The following ADGRB3 variants were observed in gnomAD, a reference collection of about 807,000 sequenced individuals.
The protein encoded by ADGRB3 is adhesion G protein-coupled receptor B3.
ADGRB3 carries 37 observed loss-of-function variants against 193.4 expected under a neutral mutation model. The observed-to-expected ratio is 0.19, with a 90% CI of 0.15 to 0.25. The LOEUF (loss-of-function observed/expected upper bound fraction) is 0.25. Among genes scored for constraint, ADGRB3 ranks in the 10% least tolerant of loss-of-function variants. The pLI is 1.00. For synonymous variants in ADGRB3, 690 were observed against 644.2 expected, an observed-to-expected ratio of 1.07 and a Z score of -1.08; for missense variants, 1,637 against 1,852.9, an observed-to-expected ratio of 0.88 and a Z score of 2.14.
chr6:68,700,827 G>T (rs1284361120), intron 3 of ADGRB3, among the ~76,000 whole-genome samples: 39 of 126,708 alleles, frequency 3.1e-4, no homozygotes, highest in African/African-American at 1.1e-3. Flanking sequence ...GTCGTAGGGT[G>T]GGGGGAGGGG....
intron 3 of ADGRB3, among the ~76,000 whole-genome samples, chr6:68,778,393 A>G (rs1766791134): frequency 6.6e-6 from 1 of 152,118 alleles, no homozygotes; most frequent in Admixed American, 6.6e-5. Context: ...TTCTACCAGC[A>G]ATGTATTGTC....
At chr6:68,998,766 A>G (rs1302310154) in intron 11 of ADGRB3, among the ~76,000 whole-genome samples, 3 of 152,248 alleles carry the variant, frequency 2.0e-5, no homozygotes, top group Non-Finnish European at 4.4e-5. Flanking sequence ...GCCACTCACT[A>G]GATCTCTAAG....
At chr6:69,052,867 C>T (rs1771439840) in intron 15 of ADGRB3, among the ~76,000 whole-genome samples, 1 of 152,168 alleles carries the variant, frequency 6.6e-6, no homozygotes, top group South Asian at 2.1e-4. Context: ...CAACTTCCTT[C>T]TTCAGAATAA....
chr6:68,956,508 A>C, intron 7 of ADGRB3, 137 bp from the exon 8 acceptor site: 1 of 1,168,894 alleles, frequency 8.6e-7, no homozygotes, highest in Admixed American at 2.2e-5. Context: ...TTGACCTGTA[A>C]GTTAAATATT....
At position 68,993,796 on chromosome 6, in the gene ADGRB3, G is replaced by A. The variant is rs369405391; in HGVS notation, c.1763G>A (p.Arg588Gln). Reference sequence around the variant, plus strand: ...AAAGAGCACCTTGCTAAGGGGCAGCGAATGCTGGCAGGTGATGGAATGTCC... The same window carrying A: ...AAAGAGCACCTTGCTAAGGGGCAGCAAATGCTGGCAGGTGATGGAATGTCC... ...SIKEHLAKGQ[R>Q]MLAGDGMSQV... Residue 588 changes from arginine to glutamine, a missense_variant, in exon 11 of 32, where the codon CGA (arginine) becomes CAA (glutamine). By Grantham distance (43) the Arg-to-Gln change is conservative. Coordinates refer to ENST00000370598, the MANE Select transcript of ADGRB3 (RefSeq NM_001704.3). The A allele has an allele frequency of 1.3e-4, 204 of 1,613,852 alleles. No individual in the cohort carries two copies. The highest frequency in any genetic ancestry group is 1.6e-4 in the Non-Finnish European group (189 of 1,179,776).
chr6:68,759,268 A>G (rs1420887045), intron 3 of ADGRB3, among the ~76,000 whole-genome samples: 1 of 152,166 alleles, frequency 6.6e-6, no homozygotes, highest in Non-Finnish European at 1.5e-5. Context: ...ATTTTTCCAT[A>G]TATTTGAGGC....
intron 3 of ADGRB3, among the ~76,000 whole-genome samples, chr6:68,678,234 A>T (rs997654535): frequency 2.0e-5 from 3 of 152,184 alleles, no homozygotes; most frequent in African/African-American, 7.2e-5. Context: ...TAAATAAAGC[A>T]CTAGGCCAGC....
chr6:69,322,765 T>G (rs1768488572), intron 20 of ADGRB3, among the ~76,000 whole-genome samples: 1 of 151,994 alleles, frequency 6.6e-6, no homozygotes, highest in Non-Finnish European at 1.5e-5. Context: ...GACTTAAACC[T>G]CTTTAGTCCA....
intron 17 of ADGRB3, among the ~76,000 whole-genome samples, chr6:69,182,396 AAAC>A (rs926755786): frequency 1.4e-5 from 2 of 143,328 alleles, no homozygotes; most frequent in South Asian, 4.3e-4. Flanking sequence ...AATAAAAATA[AAAC>A]AACAACAAGA....
chr6:69,251,280 C>T (rs923964068), intron 20 of ADGRB3, among the ~76,000 whole-genome samples: 3 of 152,166 alleles, frequency 2.0e-5, no homozygotes, highest in African/African-American at 7.2e-5. Context: ...AGATAAAATA[C>T]AATCGTCTTA....
At chr6:69,105,426 G>C (rs1465123492) in intron 17 of ADGRB3, among the ~76,000 whole-genome samples, 1 of 152,152 alleles carries the variant, frequency 6.6e-6, no homozygotes, top group Non-Finnish European at 1.5e-5. Context: ...AGACACATTC[G>C]TGTACCATGC....
In ADGRB3 at chr6:68,823,521, T is replaced by A. The variant is rs7742592; in HGVS notation, c.758-107038T>A. Among the ~76,000 whole-genome samples the A allele has an allele frequency of 1.6e-3, 251 of 152,196 alleles. 3 individuals are homozygous for A. Among genetic ancestry groups the A allele is most frequent in the African/African-American group, 5.8e-3 (242 of 41,578 alleles). ...AAGATAATATGTTTTATTTCCTTCA[T>A]GTTTCAGACATAAAACATGATAAAT... On this transcript the variant is annotated intron_variant, in intron 3 of 31. Transcript: ENST00000370598.
At chr6:68,669,036 A>G (rs1248950669) in intron 3 of ADGRB3, among the ~76,000 whole-genome samples, 4 of 151,948 alleles carry the variant, frequency 2.6e-5, no homozygotes, top group African/African-American at 9.7e-5. Context: ...CTGAGAAAAT[A>G]TTTGTGAATG....
chr6:69,031,081 C>A (rs62416771), intron 13 of ADGRB3, among the ~76,000 whole-genome samples: 5,662 of 63,392 alleles, frequency 0.089, 817 homozygotes, highest in Non-Finnish European at 0.16. Flanking sequence ...CTTCTCTTCT[C>A]TTCTCTTCTC....
In ADGRB3 at chr6:68,894,698, C is replaced by G. The variant is rs148788037; in HGVS notation, c.758-35861C>G. ...AGATGAAGTACTTATTTAGATAACT[C>G]CATCAAAACACTAACTCTTTCTGAT... On this transcript the variant is annotated intron_variant, in intron 3 of 31. Coordinates refer to ENST00000370598, the MANE Select transcript of ADGRB3 (RefSeq NM_001704.3). Among the ~76,000 whole-genome samples the G allele has an allele frequency of 4.9e-4, 74 of 151,974 alleles. 1 individual carries two copies. Among genetic ancestry groups the G allele is most frequent in the African/African-American group, 1.7e-3 (70 of 41,518 alleles).
At chr6:69,246,086 T>C (rs1266732363) in intron 20 of ADGRB3, among the ~76,000 whole-genome samples, 1 of 152,142 alleles carries the variant, frequency 6.6e-6, no homozygotes, top group Non-Finnish European at 1.5e-5. Flanking sequence ...GCTTTAAATG[T>C]GATCTGGCCC....
chr6:69,173,054 T>G (rs1775327796), intron 17 of ADGRB3, among the ~76,000 whole-genome samples: 1 of 151,174 alleles, frequency 6.6e-6, no homozygotes, highest in Non-Finnish European at 1.5e-5. Context: ...TGTTTTTGTT[T>G]TGAGACGAAG....
chr6:69,185,277 G>T (rs79887043), intron 17 of ADGRB3, among the ~76,000 whole-genome samples: 1 of 152,082 alleles, frequency 6.6e-6, no homozygotes, highest in African/African-American at 2.4e-5. Flanking sequence ...AAACAGAGAA[G>T]AGTACAGCAT....
chr6:68,941,429 A>G (rs558020174), intron 5 of ADGRB3, among the ~76,000 whole-genome samples: 1 of 152,306 alleles, frequency 6.6e-6, no homozygotes, highest in South Asian at 2.1e-4. Context: ...ATTAAGTAAG[A>G]TTAATTTTCT....
Sources: gnomAD v4.1 joint callset for allele counts (sites outside exome capture counted in the v4.1 genomes callset) on GRCh38, gnomAD v4.1.1 for gene constraint, MANE v1.5 for transcripts, NCBI Gene and HGNC (gene_info 2026-07-23, HGNC 2026-07-21) for gene names.